Variants in TSC22D1 observed in about 807,000 individuals in gnomAD.
TSC22D1 encodes TSC22 domain family protein 1.
Under a neutral mutation model 74.2 loss-of-function variants are expected in TSC22D1, and 9 were observed. The observed-to-expected ratio is 0.12, with a 90% CI of 0.07 to 0.21. TSC22D1 has a LOEUF of 0.21. Among genes scored for constraint, TSC22D1 ranks in the 10% least tolerant of loss-of-function variants. The pLI, the probability that TSC22D1 is intolerant of heterozygous loss-of-function variation, is 1.00. For synonymous variants in TSC22D1, 586 were observed against 492.5 expected (o/e 1.19, Z -2.51); for missense variants, 1,427 against 1,304.7 (o/e 1.09, Z -1.44).
rs767989400 is a variant in TSC22D1 at position 44,574,572 on chromosome 13, C to T, written c.1503G>A (p.Gln501=). The change falls in exon 1 of 3, where the codon CAG becomes CAA. Residue 501 remains glutamine, a synonymous_variant. Coordinates refer to ENST00000458659, the MANE Select transcript of TSC22D1 (RefSeq NM_183422.4). ...GTTGTTGCTGTTGTTGTTGTTGTTGCTGCTGCTGCTGCTGCACCACCACAG... is the reference window on the plus strand; with the variant it reads ...GTTGTTGCTGTTGTTGTTGTTGTTGTTGCTGCTGCTGCTGCACCACCACAG... ...APTVVVQQQQ[Q]QQQQQQQQPA... 7.5e-6 allele frequency: 12 copies of T among 1,592,288 alleles called. No homozygotes were observed. Among genetic ancestry groups the T allele is most frequent in the African/African-American group, 2.8e-5 (2 of 71,812 alleles).
intron 1 of TSC22D1, among the ~76,000 whole-genome samples, chr13:44,513,195 A>G (rs1328274081): frequency 1.3e-5 from 2 of 152,174 alleles, no homozygotes; most frequent in Non-Finnish European, 2.9e-5. Context: ...ATGTCCTTGT[A>G]ATGGTTGTCT....
intron 1 of TSC22D1, among the ~76,000 whole-genome samples, chr13:44,518,639 T>C (rs1171474759): frequency 6.6e-6 from 1 of 152,178 alleles, no homozygotes; most frequent in East Asian, 1.9e-4. Context: ...CCAACACAGG[T>C]GTGAGAAACA....
At chr13:44,439,983 G>A (rs979497220) in intron 1 of TSC22D1, among the ~76,000 whole-genome samples, 13 of 152,100 alleles carry the variant, frequency 8.5e-5, no homozygotes, top group Admixed American at 6.5e-5. Flanking sequence ...GGAAAGAAGC[G>A]AAGGCACATT....
intron 1 of TSC22D1, among the ~76,000 whole-genome samples, chr13:44,534,465 TTGAG>T (rs1394554477): frequency 6.6e-6 from 1 of 152,118 alleles, no homozygotes; most frequent in Non-Finnish European, 1.5e-5. Flanking sequence ...TTATCCTTTA[TTGAG>T]TAAATTACAC....
At chr13:44,509,100 A>G (rs1245775599) in intron 1 of TSC22D1, among the ~76,000 whole-genome samples, 1 of 152,168 alleles carries the variant, frequency 6.6e-6, no homozygotes, top group Non-Finnish European at 1.5e-5. Flanking sequence ...CCCAATATAA[A>G]GTGAAAATCT....
chr13:44,499,418 T>A lies in TSC22D1; in HGVS notation c.2913-63323A>T, dbSNP rs961707771. ...AATATTTTAAAATATCTAAAATATA[T>A]AAATATTTCCTATAAAATTACATTT... On this transcript the variant is annotated intron_variant, in intron 1 of 2. Transcript: ENST00000458659. Among the ~76,000 whole-genome samples, 12 of 152,152 alleles carry A rather than the reference T, an allele frequency of 7.9e-5. 1 individual carries two copies. Among genetic ancestry groups the A allele is most frequent in the Admixed American group, 7.2e-4 (11 of 15,280 alleles).
intron 1 of TSC22D1, among the ~76,000 whole-genome samples, chr13:44,472,776 G>C (rs891722369): frequency 2.6e-5 from 4 of 152,170 alleles, no homozygotes; most frequent in Admixed American, 2.6e-4. Context: ...AATCTTCAAG[G>C]AAAGGCAATT....
chr13:44,531,660 G>A (rs924298293), intron 1 of TSC22D1, among the ~76,000 whole-genome samples: 12 of 151,978 alleles, frequency 7.9e-5, no homozygotes, highest in Non-Finnish European at 1.8e-4. Flanking sequence ...CTCAAATTGG[G>A]GTATCTATAC....
intron 1 of TSC22D1, chr13:44,474,319 GACAA>G: frequency 1.0e-6 from 1 of 979,714 alleles, no homozygotes; most frequent in Non-Finnish European, 1.2e-6. Context: ...ACTCCTGGTG[GACAA>G]ACAAGTGCTT....
intron 1 of TSC22D1, among the ~76,000 whole-genome samples, chr13:44,456,063 T>C (rs61949796): frequency 0.099 from 15,075 of 152,126 alleles, 780 homozygotes; most frequent in Non-Finnish European, 0.11. Context: ...AACTGAGCAA[T>C]TGTATCTGGA....
chr13:44,506,122 G>A (rs768850727), intron 1 of TSC22D1, among the ~76,000 whole-genome samples: 1 of 152,118 alleles, frequency 6.6e-6, no homozygotes. Context: ...ACTGATGAAG[G>A]TATAACGAAG....
At chr13:44,539,336 T>G (rs2138090144) in intron 1 of TSC22D1, 1 of 985,234 alleles carries the variant, frequency 1.0e-6, no homozygotes, top group East Asian at 1.1e-4. Flanking sequence ...GACCAAAAGG[T>G]TCTCACTAAC....
chr13:44,561,311 T>C (rs1883021656), intron 1 of TSC22D1, among the ~76,000 whole-genome samples: 1 of 152,146 alleles, frequency 6.6e-6, no homozygotes, highest in Non-Finnish European at 1.5e-5. Context: ...GAGTTTCTCA[T>C]ACTCAATTAA....
At chr13:44,551,340 T>TGTGA (rs1882234714) in intron 1 of TSC22D1, among the ~76,000 whole-genome samples, 1 of 146,464 alleles carries the variant, frequency 6.8e-6, no homozygotes, top group Non-Finnish European at 1.5e-5. Flanking sequence ...TGTGTGTGTG[T>TGTGA]GACCCTGTCT....
intron 1 of TSC22D1, among the ~76,000 whole-genome samples, chr13:44,456,237 GAGA>G (rs765493125): frequency 9.9e-5 from 15 of 152,220 alleles, no homozygotes; most frequent in African/African-American, 3.4e-4. Flanking sequence ...TTCCACGGCG[GAGA>G]AGAAGACCCG....
chr13:44,532,206 T>C (rs1880877009), intron 1 of TSC22D1, among the ~76,000 whole-genome samples: 1 of 152,230 alleles, frequency 6.6e-6, no homozygotes, highest in African/African-American at 2.4e-5. Flanking sequence ...CTGTGCAAAA[T>C]ACAAATACTT....
At chr13:44,444,781 C>T (rs552653508) in intron 1 of TSC22D1, among the ~76,000 whole-genome samples, 24 of 151,992 alleles carry the variant, frequency 1.6e-4, no homozygotes, top group Non-Finnish European at 3.1e-4. Flanking sequence ...CAAGGCATAT[C>T]AAAATTTATT....
At position 44,507,921 on chromosome 13, in the gene TSC22D1, TCA is replaced by T. The variant is rs1491195624; in HGVS notation, c.2912+65240_2912+65241del. Among the ~76,000 whole-genome samples the T allele has an allele frequency of 2.0e-5, 3 of 152,192 alleles. No individual in the cohort carries two copies. The East Asian group carries it at 5.8e-4, about 29-fold the overall frequency. On this transcript the variant is annotated intron_variant, in intron 1 of 2. Transcript: ENST00000458659. ...GGGATCCTTCCTGAGCCCTGGGGAA[TCA>T]CAGGCAGCTTCCTAGAGGAATTATA...
At chr13:44,529,829 A>G (rs1880735620) in intron 1 of TSC22D1, among the ~76,000 whole-genome samples, 1 of 152,160 alleles carries the variant, frequency 6.6e-6, no homozygotes, top group Non-Finnish European at 1.5e-5. Flanking sequence ...CATTAACACC[A>G]AGAAATTAAA....
Sources: gnomAD v4.1 joint callset for allele counts (sites outside exome capture counted in the v4.1 genomes callset) on GRCh38, gnomAD v4.1.1 for gene constraint, MANE v1.5 for transcripts, NCBI Gene and HGNC (gene_info 2026-07-23, HGNC 2026-07-21) for gene names.